MRPS27: variants seen among roughly 807,000 people sequenced by gnomAD.
MRPS27 encodes the protein small ribosomal subunit protein mS27.
Under a neutral mutation model 48.9 loss-of-function variants are expected in MRPS27, and 43 were observed. The ratio of observed to expected loss-of-function variants is 0.88; its 90% CI spans 0.69 to 1.13. The LOEUF is 1.13. Ranked by LOEUF, MRPS27 falls within the 50% of genes most tolerant of loss-of-function variation. MRPS27 has a pLI of 0.00. For synonymous variants in MRPS27, 188 were observed against 171.9 expected (o/e 1.09, Z -0.73); for missense variants, 467 against 476.3 (o/e 0.98, Z 0.18).
At chr5:72,235,619 A>G (rs1002390537) in intron 5 of MRPS27, among the ~76,000 whole-genome samples, 2 of 152,156 alleles carry the variant, frequency 1.3e-5, no homozygotes, top group Non-Finnish European at 2.9e-5. Context: ...GTACATAGAA[A>G]ATCTATGTAC....
At position 72,295,585 on chromosome 5, in the gene MRPS27, A is replaced by G. The variant is rs1749956621; in HGVS notation, c.227T>C (p.Ile76Thr). 1.9e-6 allele frequency: 3 copies of G among 1,608,792 alleles called. No homozygotes were observed. The highest frequency in any genetic ancestry group is 2.6e-6 in the Non-Finnish European group (3 of 1,175,386). ...PVSSLTISRL[I>T]DNISSREEID... ...CTCTTCCCGAGAGGAAATGTTGTCT[A>G]TAAGCTAAAAGACAGAAAAAGAAAC... is the stretch of plus-strand genomic sequence containing the variant. The change falls in exon 4 of 11, where the codon ATA (isoleucine) becomes ACA (threonine). Residue 76 changes from isoleucine (I) to threonine (T), a missense_variant. Ile to Thr is a moderately conservative substitution (Grantham distance 89, BLOSUM62 -1). Transcript: ENST00000261413.
chr5:72,313,898 A>C (rs1305026720), intron 2 of MRPS27, among the ~76,000 whole-genome samples, 183 bp downstream of exon 2: 1 of 152,260 alleles, frequency 6.6e-6, no homozygotes, highest in Non-Finnish European at 1.5e-5. Context: ...GAAATATTAG[A>C]AATGAACAGG....
At chr5:72,283,022 C>G (rs1401908525) in intron 4 of MRPS27, among the ~76,000 whole-genome samples, 2 of 152,168 alleles carry the variant, frequency 1.3e-5, no homozygotes, top group African/African-American at 4.8e-5. Flanking sequence ...TCTGAGGCAT[C>G]TGGTGATAAA....
intron 7 of MRPS27, 109 bp from the exon 8 acceptor site, chr5:72,228,477 CAAAG>C (rs1217918666): frequency 1.5e-6 from 1 of 674,794 alleles, no homozygotes; most frequent in Admixed American, 3.0e-5. Flanking sequence ...ATTAAGTAAA[CAAAG>C]AAGAACAAAG....
At chr5:72,308,090 C>T (rs892908012) in intron 2 of MRPS27, 1 of 152,228 alleles carries the variant, frequency 6.6e-6, no homozygotes, top group African/African-American at 2.4e-5. Context: ...CCGGGGCCCT[C>T]TGGACGCACC....
intron 3 of MRPS27, among the ~76,000 whole-genome samples, chr5:72,296,821 A>C (rs180694295): frequency 1.5e-5 from 2 of 134,064 alleles, no homozygotes; most frequent in Admixed American, 1.4e-4. Context: ...AATTTCTGTA[A>C]AAAGTTTTCA....
chr5:72,318,568 G>A (rs1361251629), intron 1 of MRPS27, among the ~76,000 whole-genome samples: 1 of 152,244 alleles, frequency 6.6e-6, no homozygotes, highest in Non-Finnish European at 1.5e-5. Context: ...GTAGAGGCGG[G>A]TGGATCACCT....
intron 1 of MRPS27, among the ~76,000 whole-genome samples, chr5:72,318,527 G>A (rs1391156390): frequency 6.6e-6 from 1 of 152,254 alleles, no homozygotes; most frequent in Non-Finnish European, 1.5e-5. Flanking sequence ...GGGCACAGTG[G>A]CTCACGCCCG....
rs746392292 is a variant in MRPS27 at position 72,234,199 on chromosome 5, T to C, written c.397-2A>G. The C allele has an allele frequency of 1.3e-6, 2 of 1,488,502 alleles. No individual in the cohort carries two copies. The highest frequency in any genetic ancestry group is 2.5e-5 in the Admixed American group (1 of 39,586). The allele number at this position is 1,488,502 out of a possible 1,614,324, so 92.2% of individuals were successfully genotyped here. On this transcript the variant is annotated splice_acceptor_variant, in intron 5 of 10. Transcript: ENST00000261413. LOFTEE classifies it high-confidence loss of function. ...ATCTGGAAAAATTCCATATTGAACC[T>C]ATAATGAAAATGAACATAACAGGAA...
intron 2 of MRPS27, among the ~76,000 whole-genome samples, chr5:72,309,019 C>A (rs1291337841): frequency 2.0e-5 from 3 of 152,142 alleles, no homozygotes; most frequent in African/African-American, 7.2e-5. Flanking sequence ...ACCCAGAAGT[C>A]GGCCTCCCAA....
chr5:72,233,315 T>C (rs1392794613), intron 6 of MRPS27, among the ~76,000 whole-genome samples: 1 of 152,136 alleles, frequency 6.6e-6, no homozygotes, highest in East Asian at 1.9e-4. Flanking sequence ...CAATTTTTAT[T>C]TTCCCTTGAT....
chr5:72,233,816 ATTTAC>A (rs1748123010), intron 6 of MRPS27, among the ~76,000 whole-genome samples: 1 of 152,290 alleles, frequency 6.6e-6, no homozygotes, highest in Admixed American at 6.5e-5. Flanking sequence ...TGAAAAATAA[ATTTAC>A]TTTATCCTTT....
chr5:72,295,719 T>C (rs1749960537), intron 3 of MRPS27, 130 bp from the exon 4 acceptor site: 1 of 659,860 alleles, frequency 1.5e-6, no homozygotes, highest in Non-Finnish European at 2.7e-6. Context: ...TGATGCTTAG[T>C]GGAACAATGT....
intron 4 of MRPS27, among the ~76,000 whole-genome samples, chr5:72,246,786 G>A (rs1282108146): frequency 6.6e-6 from 1 of 152,142 alleles, no homozygotes; most frequent in Non-Finnish European, 1.5e-5. Flanking sequence ...TGTATATAGT[G>A]AGATAAAATG....
Position 72,220,856 on chromosome 5 carries a change from G to T in MRPS27, c.*53C>A. ...TTGTCCAGGCCACTGCTGAGTCCTG[G>T]CACGGGGTTGAGTGAAGTTCTTGTG... On this transcript the variant is annotated 3_prime_UTR_variant, in exon 11 of 11. Transcript: ENST00000261413. 1 of 1,605,760 alleles carries T rather than the reference G, an allele frequency of 6.2e-7. No individual in the cohort carries two copies. The highest frequency in any genetic ancestry group is 8.5e-7 in the Non-Finnish European group (1 of 1,176,306).
chr5:72,305,281 C>T (rs751327447), intron 2 of MRPS27, among the ~76,000 whole-genome samples: 6 of 152,236 alleles, frequency 3.9e-5, no homozygotes, highest in Non-Finnish European at 7.4e-5. Context: ...TGAATAGATG[C>T]CACAGAGATG....
At chr5:72,225,033 A>G (rs1292326912) in intron 9 of MRPS27, among the ~76,000 whole-genome samples, 1 of 152,216 alleles carries the variant, frequency 6.6e-6, no homozygotes, top group Non-Finnish European at 1.5e-5. Context: ...CTCATTTTCT[A>G]CTGTTAGAAT....
chr5:72,319,089 T>C (rs1370149199), intron 1 of MRPS27, among the ~76,000 whole-genome samples: 1 of 152,174 alleles, frequency 6.6e-6, no homozygotes, highest in Non-Finnish European at 1.5e-5. Flanking sequence ...GGGAGGTAGG[T>C]TGGAAAGGGA....
chr5:72,319,227 T>C (rs1750666876), intron 1 of MRPS27, among the ~76,000 whole-genome samples: 2 of 152,240 alleles, frequency 1.3e-5, no homozygotes, highest in African/African-American at 4.8e-5. Flanking sequence ...TTTCCAATGT[T>C]TTCATTATCA....
Sources: allele counts gnomAD v4.1 joint callset (sites outside exome capture counted in the v4.1 genomes callset), GRCh38; gene constraint gnomAD v4.1.1; transcripts MANE v1.5; gene names NCBI Gene and HGNC (gene_info 2026-07-23, HGNC 2026-07-21).